Variants in FAM135B observed in about 807,000 individuals in gnomAD.
FAM135B encodes the protein family with sequence similarity 135 member B, also known as protein FAM135B.
In FAM135B, 43 loss-of-function variants were observed where a neutral mutation model predicts 127.7. The ratio of observed to expected loss-of-function variants is 0.34; its 90% confidence interval spans 0.26 to 0.43. The LOEUF is 0.43. FAM135B is among the 20% of genes least tolerant of loss of function. The probability of loss-of-function intolerance (pLI) is 1.00; values close to 1 mark genes in which losing one functional copy is unlikely to be tolerated. For synonymous variants in FAM135B, 670 were observed against 665.1 expected (o/e 1.01, Z -0.11); for missense variants, 1,558 against 1,725.6 (o/e 0.90, Z 1.72).
intron 7 of FAM135B, among the ~76,000 whole-genome samples, chr8:138,227,795 C>G (rs1243119720): frequency 1.4e-5 from 2 of 141,874 alleles, no homozygotes; most frequent in African/African-American, 5.3e-5. Flanking sequence ...GGTCTGCTCT[C>G]TCAACAAATT....
chr8:138,273,003 AG>A (rs2130689006), intron 3 of FAM135B, among the ~76,000 whole-genome samples: 1 of 152,274 alleles, frequency 6.6e-6, no homozygotes, highest in Admixed American at 6.5e-5. Flanking sequence ...CAGGGTTTTG[AG>A]GGTTTTACGA....
At chr8:138,178,828 TTAC>T in intron 9 of FAM135B, 138 bp from the exon 10 acceptor site, 3 of 664,478 alleles carry the variant, frequency 4.5e-6, no homozygotes, top group Non-Finnish European at 7.6e-6. Flanking sequence ...GTATTATATA[TTAC>T]AACTCATAGT....
rs138549478 is a variant in FAM135B at position 138,414,605 on chromosome 8, T to C, written c.-19-46603A>G. On this transcript the variant is annotated intron_variant, in intron 1 of 19. Transcript: ENST00000395297. ...AACAAAGAATTTGAAACTTCAAAAC[T>C]CCAGGAATTTGGCCATGAATAGTAG... Among the ~76,000 whole-genome samples, 8 of 152,292 alleles carry C rather than the reference T, an allele frequency of 5.3e-5. No individual in the cohort carries two copies. In the East Asian group the frequency reaches 1.5e-3, roughly 29 times the overall value.
In FAM135B at chr8:138,267,476, C is replaced by T. The variant is rs1192735210; in HGVS notation, c.158-1634G>A. 3.3e-5 allele frequency among the ~76,000 whole-genome samples: 5 copies of T among 150,424 alleles called. No homozygotes were observed. The South Asian group carries it at 1.1e-3, about 32-fold the overall frequency. On this transcript the variant is annotated intron_variant, in intron 3 of 19. Coordinates refer to ENST00000395297, the MANE Select transcript of FAM135B (RefSeq NM_015912.4). ...TTAGTAAGAGAGAAAATGAAGTCTC[C>T]AGTGAAAGAATAAAATGCATCTATT...
At chr8:138,454,160 T>TAA in intron 1 of FAM135B, among the ~76,000 whole-genome samples, 2 of 146,192 alleles carry the variant, frequency 1.4e-5, no homozygotes, top group African/African-American at 5.0e-5. Context: ...CTTTTAAAAT[T>TAA]AAAAAAAAAA....
Position 138,132,528 on chromosome 8 carries a change from G to A in FAM135B, c.*65C>T. 7.4e-7 allele frequency: 1 copy of A among 1,350,120 alleles called. No homozygotes were observed. Among genetic ancestry groups the A allele is most frequent in the Non-Finnish European group, 1.1e-6 (1 of 947,550 alleles). 83.6% of individuals were successfully genotyped at this position (1,350,120 alleles called of 1,614,324 possible). ...TTCTGAAATGGTGAGGTCTGTAAAA[G>A]CAGGTCTCAGCTAAAGCTCTCCACC... is the stretch of plus-strand genomic sequence containing the variant. On this transcript the variant is annotated 3_prime_UTR_variant, in exon 20 of 20. Coordinates refer to ENST00000395297, the MANE Select transcript of FAM135B (RefSeq NM_015912.4). The surrounding 1 kb of genome is among the most constrained non-coding windows in gnomAD (Gnocchi z 4.5).
At chr8:138,455,265 A>C (rs915767144) in intron 1 of FAM135B, among the ~76,000 whole-genome samples, 1 of 152,224 alleles carries the variant, frequency 6.6e-6, no homozygotes, top group South Asian at 2.1e-4. Flanking sequence ...ATTCTCTTTC[A>C]TCATGGATAG....
chr8:138,398,260 T>C (rs1362051121), intron 1 of FAM135B, among the ~76,000 whole-genome samples: 4 of 152,176 alleles, frequency 2.6e-5, no homozygotes, highest in Non-Finnish European at 5.9e-5. Context: ...GAGGGGCTCA[T>C]TCAGTCTGTG....
chr8:138,233,506 A>G (rs982532126), intron 7 of FAM135B, among the ~76,000 whole-genome samples: 1 of 152,220 alleles, frequency 6.6e-6, no homozygotes, highest in African/African-American at 2.4e-5. Context: ...CACCATATAC[A>G]ACAATCAACT....
chr8:138,402,291 A>C (rs1231825716), intron 1 of FAM135B, among the ~76,000 whole-genome samples: 1 of 152,190 alleles, frequency 6.6e-6, no homozygotes, highest in Admixed American at 6.5e-5. Flanking sequence ...AAGTCAGGGC[A>C]CTTAATGACA....
rs10604150 is a variant in FAM135B, at chr8:138,237,150, ATTTT to A, written c.669+5788_669+5791del. ...CTCACTCTGAGTAACTGGATCCTTG[ATTTT>A]TTTTTTTTTTTTTTTTTTTTGTTGG... On this transcript the variant is annotated intron_variant, in intron 7 of 19. Transcript: ENST00000395297. Among the ~76,000 whole-genome samples, 867 of 101,342 alleles carry A rather than the reference ATTTT, an allele frequency of 8.6e-3. 8 individuals are homozygous for A. Among genetic ancestry groups the A allele is most frequent in the African/African-American group, 0.033 (798 of 24,240 alleles). 66.5% of individuals were successfully genotyped at this position (101,342 alleles called of 152,430 possible).
rs1020312841 is a variant in FAM135B, at chr8:138,130,758, G to C, written c.*1835C>G. ...ACGACTAGGGAACAAATGTCTCCCAGGTTACAGAGCAAATACAGCACTCCT... is the reference window on the plus strand; with the variant it reads ...ACGACTAGGGAACAAATGTCTCCCACGTTACAGAGCAAATACAGCACTCCT... On this transcript the variant is annotated 3_prime_UTR_variant, in exon 20 of 20. Transcript: ENST00000395297. The C allele has an allele frequency of 7.2e-5, 11 of 152,192 alleles. No individual in the cohort carries two copies. The highest frequency in any genetic ancestry group is 2.7e-4 in the African/African-American group (11 of 41,448). The allele number at this position is 152,192 out of a possible 1,614,324, so 9.4% of individuals were successfully genotyped here.
chr8:138,332,958 A>G (rs1426790109), intron 2 of FAM135B, among the ~76,000 whole-genome samples: 1 of 151,170 alleles, frequency 6.6e-6, no homozygotes, highest in African/African-American at 2.4e-5. Flanking sequence ...CTAACAGAGG[A>G]CTACACAGCT....
At chr8:138,250,737 C>T (rs1379616507) in intron 6 of FAM135B, 104 bp downstream of exon 6, 1 of 1,285,214 alleles carries the variant, frequency 7.8e-7, no homozygotes, top group South Asian at 1.4e-5. Context: ...CTTAGAGAAA[C>T]TCCCTTGCGT....
At chr8:138,485,862 G>C (rs892511000) in intron 1 of FAM135B, among the ~76,000 whole-genome samples, 1 of 152,144 alleles carries the variant, frequency 6.6e-6, no homozygotes, top group Non-Finnish European at 1.5e-5. Flanking sequence ...GGCCATGTTC[G>C]ACAGATCATC....
rs774742990 is a variant in FAM135B, at chr8:138,195,241, G to A, written c.873+17C>T. ...TACTGCCATTCATTCAGACCCCAGC[G>A]CCAGTTCTCCAATTACCTGTAGCTC... On this transcript the variant is annotated intron_variant, in intron 9 of 19. Coordinates refer to ENST00000395297, the MANE Select transcript of FAM135B (RefSeq NM_015912.4). 24 of 1,612,300 alleles carry A rather than the reference G, an allele frequency of 1.5e-5. No individual in the cohort carries two copies. The highest frequency in any genetic ancestry group is 3.3e-5 in the Admixed American group (2 of 59,772).
intron 1 of FAM135B, among the ~76,000 whole-genome samples, chr8:138,464,264 G>C (rs1456324075): frequency 2.0e-5 from 3 of 152,136 alleles, no homozygotes; most frequent in African/African-American, 7.2e-5. Context: ...CTGATGCTCA[G>C]GATAGATTCT....
At chr8:138,459,937 TC>T (rs34811937) in intron 1 of FAM135B, among the ~76,000 whole-genome samples, 69,939 of 151,954 alleles carry the variant, frequency 0.46, 17,689 homozygotes, top group East Asian at 0.84. Flanking sequence ...TGTACTCTGC[TC>T]CATCAGCTGT....
In FAM135B at chr8:138,468,039, T is replaced by C. The variant is rs184168564; in HGVS notation, c.-20+28632A>G. 3.3e-5 allele frequency among the ~76,000 whole-genome samples: 5 copies of C among 152,268 alleles called. 1 individual carries two copies. The Middle Eastern group carries it at 0.01, about 311-fold the overall frequency. On this transcript the variant is annotated intron_variant, in intron 1 of 19. Coordinates refer to ENST00000395297, the MANE Select transcript of FAM135B (RefSeq NM_015912.4). ...ATATTTTATGCAAAATAGGCATTCA[T>C]GCGCTGATAAAGAAAATATGACAAA... is the stretch of plus-strand genomic sequence containing the variant.
Sources: gnomAD v4.1 joint callset for allele counts (sites outside exome capture counted in the v4.1 genomes callset) on GRCh38, gnomAD v4.1.1 for gene constraint, Gnocchi (gnomAD v3.1) non-coding constraint, MANE v1.5 for transcripts, NCBI Gene and HGNC (gene_info 2026-07-23, HGNC 2026-07-21) for gene names.